Variants in ACAP2 observed in about 807,000 individuals in gnomAD.
ACAP2 encodes the protein arf-GAP with coiled-coil, ANK repeat and PH domain-containing protein 2.
In ACAP2, 39 loss-of-function variants were observed where a neutral mutation model predicts 115.8. The observed-to-expected ratio is 0.34, with a 90% CI of 0.26 to 0.44. ACAP2 has a LOEUF of 0.44. Among genes scored for constraint, ACAP2 ranks in the 20% least tolerant of loss-of-function variants. ACAP2 has a pLI of 1.00. For synonymous variants in ACAP2, 289 were observed against 315.8 expected, an observed-to-expected ratio of 0.92 and a Z score of 0.90; for missense variants, 662 against 927.6, an observed-to-expected ratio of 0.71 and a Z score of 3.72.
At chr3:195,293,652 G>A (rs890966828) in intron 18 of ACAP2, among the ~76,000 whole-genome samples, 5 of 152,106 alleles carry the variant, frequency 3.3e-5, no homozygotes, top group African/African-American at 1.2e-4. Context: ...GACCAGCCTG[G>A]CCAACATGGT....
At chr3:195,308,969 T>C in intron 10 of ACAP2, 132 bp from the exon 11 acceptor site, 1 of 847,188 alleles carries the variant, frequency 1.2e-6, no homozygotes, top group South Asian at 1.9e-5. Context: ...ACTGTATTAT[T>C]TTGCTTTATA....
At chr3:195,294,190 G>A (rs1727465265) in intron 18 of ACAP2, among the ~76,000 whole-genome samples, 1 of 151,774 alleles carries the variant, frequency 6.6e-6, no homozygotes, top group African/African-American at 2.4e-5. Flanking sequence ...ATATAGCTAG[G>A]ACAGAATTTC....
chr3:195,382,147 A>C, intron 2 of ACAP2, 125 bp from the exon 3 acceptor site: 2 of 817,612 alleles, frequency 2.4e-6, no homozygotes, highest in South Asian at 3.5e-5. Context: ...CGATAAACTC[A>C]AAACAGACTA....
At chr3:195,293,863 G>A (rs1435013615) in intron 18 of ACAP2, among the ~76,000 whole-genome samples, 1 of 151,998 alleles carries the variant, frequency 6.6e-6, no homozygotes, top group African/African-American at 2.4e-5. Context: ...GGCAGCCTCG[G>A]TGGCTCGCGC....
At position 195,292,397 on chromosome 3, in the gene ACAP2, T is replaced by C. The variant is rs1431643454; in HGVS notation, c.1821A>G (p.Gly607=). The C allele has an allele frequency of 1.2e-6, 2 of 1,613,302 alleles. No individual in the cohort carries two copies. The stretch of plus-strand genomic sequence containing the variant: ...CATATGACGCCCTATAAAGCTGAAG[T>C]CCTGGATTAAGATGTTTCGAGTCAA... ...MFLDSKHLNP[G]LQLYRASYEK... Residue 607 remains glycine, a synonymous_variant, in exon 19 of 23, where the codon GGA becomes GGG. Coordinates refer to ENST00000326793, the MANE Select transcript of ACAP2 (RefSeq NM_012287.6).
intron 22 of ACAP2, among the ~76,000 whole-genome samples, chr3:195,281,430 AT>A (rs1726505342): frequency 6.6e-6 from 1 of 152,164 alleles, no homozygotes; most frequent in African/African-American, 2.4e-5. Flanking sequence ...AGGAAAAAAA[AT>A]CTAATACTTT....
intron 1 of ACAP2, among the ~76,000 whole-genome samples, chr3:195,431,559 T>G (rs1484486272): frequency 6.6e-6 from 1 of 151,116 alleles, no homozygotes; most frequent in Non-Finnish European, 1.5e-5. Context: ...TGCCTCAGCC[T>G]CCCGAGTAGC....
chr3:195,376,721 T>C lies in ACAP2; in HGVS notation c.285+4288A>G, dbSNP rs181364077. On this transcript the variant is annotated intron_variant, in intron 4 of 22. Coordinates refer to ENST00000326793, the MANE Select transcript of ACAP2 (RefSeq NM_012287.6). ...CAATCTGACTCCAACATATGTTTAA[T>C]CTTTACGTGGCTAATAACACAAATG... 2.5e-3 allele frequency among the ~76,000 whole-genome samples: 384 copies of C among 152,348 alleles called. 1 individual carries two copies. Among genetic ancestry groups the C allele is most frequent in the African/African-American group, 8.8e-3 (368 of 41,586 alleles).
At chr3:195,347,556 G>T (rs758291218) in intron 4 of ACAP2, among the ~76,000 whole-genome samples, 95 of 152,184 alleles carry the variant, frequency 6.2e-4, no homozygotes, top group Admixed American at 9.2e-4. Flanking sequence ...TGTGGGTTGG[G>T]ACTGTCTGAG....
intron 4 of ACAP2, among the ~76,000 whole-genome samples, chr3:195,371,552 C>CT (rs1733144176): frequency 6.6e-6 from 1 of 152,160 alleles, no homozygotes. Flanking sequence ...TTATTTCCTT[C>CT]TCTTGTCTGA....
At chr3:195,287,149 G>A in intron 21 of ACAP2, among the ~76,000 whole-genome samples, 1 of 152,166 alleles carries the variant, frequency 6.6e-6, no homozygotes, top group South Asian at 2.1e-4. Context: ...AAGCAATTAT[G>A]GGCTTCATTT....
intron 1 of ACAP2, among the ~76,000 whole-genome samples, chr3:195,394,611 T>C (rs1711584505): frequency 6.6e-6 from 1 of 152,098 alleles, no homozygotes; most frequent in Non-Finnish European, 1.5e-5. Flanking sequence ...AGGCCAGGAG[T>C]TCTAGACCAG....
intron 4 of ACAP2, among the ~76,000 whole-genome samples, chr3:195,359,005 G>C (rs1732171358): frequency 6.6e-6 from 1 of 152,184 alleles, no homozygotes. Context: ...AAACCTTACA[G>C]GCCAGGAGAG....
intron 6 of ACAP2, among the ~76,000 whole-genome samples, chr3:195,337,573 C>T (rs2108638572): frequency 6.6e-6 from 1 of 152,050 alleles, no homozygotes; most frequent in South Asian, 2.1e-4. Flanking sequence ...CTCAGCCTCC[C>T]GAGTAGCTGG....
intron 4 of ACAP2, among the ~76,000 whole-genome samples, chr3:195,349,208 G>A (rs758461321): frequency 5.3e-5 from 8 of 151,970 alleles, no homozygotes; most frequent in Non-Finnish European, 1.0e-4. Context: ...CTGGCCAGGC[G>A]CTGTGGCTCA....
At chr3:195,340,855 T>G (rs1730819811) in intron 6 of ACAP2, among the ~76,000 whole-genome samples, 1 of 152,172 alleles carries the variant, frequency 6.6e-6, no homozygotes, top group Admixed American at 6.5e-5. Context: ...TCCAGTCCAG[T>G]ATCCTTTCCT....
intron 3 of ACAP2, among the ~76,000 whole-genome samples, chr3:195,381,665 T>A (rs1303158527): frequency 2.0e-5 from 3 of 152,032 alleles, no homozygotes; most frequent in African/African-American, 7.3e-5. Context: ...CTTAATAAAC[T>A]AACCACAACA....
chr3:195,372,494 C>T (rs1313564988), intron 4 of ACAP2, among the ~76,000 whole-genome samples: 1 of 152,144 alleles, frequency 6.6e-6, no homozygotes, highest in Non-Finnish European at 1.5e-5. Flanking sequence ...ACCTCAGCAG[C>T]GACCTGGGCA....
At chr3:195,388,546 T>C (rs1229075447) in intron 2 of ACAP2, among the ~76,000 whole-genome samples, 1 of 152,208 alleles carries the variant, frequency 6.6e-6, no homozygotes. Flanking sequence ...ACAATGATAC[T>C]ATAGGTGGAA....
Sources: allele counts gnomAD v4.1 joint callset (sites outside exome capture counted in the v4.1 genomes callset), GRCh38; gene constraint gnomAD v4.1.1; transcripts MANE v1.5; gene names NCBI Gene and HGNC (gene_info 2026-07-23, HGNC 2026-07-21).